PIGB: variants seen among roughly 807,000 people sequenced by gnomAD.
PIGB encodes the protein GPI alpha-1,2-mannosyltransferase 3.
PIGB carries 58 observed loss-of-function variants against 68.4 expected under a neutral mutation model. The ratio of observed to expected loss-of-function variants is 0.85; its 90% CI spans 0.69 to 1.06. The LOEUF (loss-of-function observed/expected upper bound fraction) is 1.06. Among genes scored for constraint, PIGB ranks in the 50% least tolerant of loss-of-function variants. The probability of loss-of-function intolerance (pLI) is 0.00; values close to 1 mark genes in which losing one functional copy is unlikely to be tolerated. For missense variants in PIGB, 634 were observed against 655.8 expected, an observed-to-expected ratio of 0.97 and a Z score of 0.36; for synonymous variants, 219 against 220.5, an observed-to-expected ratio of 0.99 and a Z score of 0.06.
chr15:55,334,806 G>T (rs1042188520), intron 6 of PIGB, among the ~76,000 whole-genome samples: 1 of 152,218 alleles, frequency 6.6e-6, no homozygotes. Context: ...TGCAGCCTCC[G>T]CCTCCCAGGT....
chr15:55,327,265 GTA>G (rs1027939371), intron 3 of PIGB, among the ~76,000 whole-genome samples: 1 of 147,430 alleles, frequency 6.8e-6, no homozygotes, highest in Non-Finnish European at 1.5e-5. Context: ...TAACATATGT[GTA>G]TATATGTCAT....
At chr15:55,348,510 G>A (rs923385982) in intron 9 of PIGB, 4 of 152,118 alleles carry the variant, frequency 2.6e-5, no homozygotes, top group Non-Finnish European at 5.9e-5. Flanking sequence ...CTTCATGAAT[G>A]GCTTGGCACC....
intron 6 of PIGB, among the ~76,000 whole-genome samples, chr15:55,335,935 TAAC>T (rs922471934): frequency 1.1e-4 from 16 of 152,196 alleles, no homozygotes; most frequent in Admixed American, 2.6e-4. Flanking sequence ...AGCATGATAA[TAAC>T]TTATTCATTT....
At chr15:55,354,428 A>G (rs974992253) in intron 10 of PIGB, among the ~76,000 whole-genome samples, 5 of 152,182 alleles carry the variant, frequency 3.3e-5, no homozygotes, top group African/African-American at 1.2e-4. Context: ...AAATACACCT[A>G]TGGAGAATTA....
In PIGB at chr15:55,332,948, A is replaced by G. The variant is rs1190436793; in HGVS notation, c.654-919A>G. ...GTATGCATATATATTTCACTTGGCT[A>G]AAATTAACTTTCAAAACAAAATTCT... On this transcript the variant is annotated intron_variant, in intron 5 of 11. Coordinates refer to ENST00000164305, the MANE Select transcript of PIGB (RefSeq NM_004855.5). 5.3e-5 allele frequency among the ~76,000 whole-genome samples: 8 copies of G among 152,212 alleles called. 1 individual carries two copies. The highest frequency in any genetic ancestry group is 4.6e-4 in the Admixed American group (7 of 15,270).
intron 2 of PIGB, 133 bp from the exon 3 acceptor site, chr15:55,321,140 C>CT: frequency 1.8e-6 from 1 of 565,270 alleles, no homozygotes; most frequent in East Asian, 3.2e-5. Context: ...TGGTGTGCAC[C>CT]TGTAGAGGCA....
intron 5 of PIGB, among the ~76,000 whole-genome samples, chr15:55,332,655 G>A (rs999012431): frequency 7.2e-5 from 11 of 152,172 alleles, no homozygotes; most frequent in Admixed American, 5.9e-4. Context: ...TTGCAGGCCT[G>A]AGCCACCACA....
intron 3 of PIGB, among the ~76,000 whole-genome samples, chr15:55,323,050 A>C (rs1419449287): frequency 6.6e-6 from 1 of 152,138 alleles, no homozygotes; most frequent in Non-Finnish European, 1.5e-5. Context: ...ATGTGAAGGA[A>C]GCCTCCCCTG....
rs1220917226 is a variant in PIGB at position 55,340,751 on chromosome 15, A to G, written c.986A>G (p.His329Arg). The G allele has an allele frequency of 6.2e-7, 1 of 1,611,078 alleles. No individual in the cohort carries two copies. The highest frequency in any genetic ancestry group is 8.5e-7 in the Non-Finnish European group (1 of 1,178,464). The change falls in exon 8 of 12, where the codon CAT becomes CGT. Residue 329 changes from histidine (H) to arginine (R), a missense_variant. By Grantham distance (29) the His-to-Arg change is conservative. Transcript: ENST00000164305. ...ILGTHLPFFI[H>R]GCYLAPKRYR... ...GGTACTCACTTACCCTTCTTTATTCATGGCTGCTATCTAGCACCAAAGAGA... is the reference window on the plus strand; with the variant it reads ...GGTACTCACTTACCCTTCTTTATTCGTGGCTGCTATCTAGCACCAAAGAGA...
At chr15:55,344,129 A>G (rs1383139173) in intron 9 of PIGB, among the ~76,000 whole-genome samples, 37 of 152,226 alleles carry the variant, frequency 2.4e-4, no homozygotes. Flanking sequence ...GCTGTGTAAA[A>G]GGCCACCTCA....
intron 9 of PIGB, among the ~76,000 whole-genome samples, chr15:55,342,121 C>G (rs185556138): frequency 6.6e-6 from 1 of 152,272 alleles, no homozygotes; most frequent in Admixed American, 6.5e-5. Context: ...AAGTCCTTCT[C>G]TCAAAAAACA....
intron 4 of PIGB, 52 bp downstream of exon 4, chr15:55,327,687 G>T (rs1343584380): frequency 1.9e-6 from 2 of 1,028,354 alleles, no homozygotes; most frequent in South Asian, 2.8e-5. Context: ...GTTCCTATGG[G>T]TATAAAGCAC....
chr15:55,355,212 C>G, intron 11 of PIGB, 74 bp from the exon 12 acceptor site: 1 of 1,194,486 alleles, frequency 8.4e-7, no homozygotes, highest in Non-Finnish European at 1.2e-6. Context: ...TTAGAATAGG[C>G]AATTCTAAAA....
chr15:55,337,666 A>C (rs761491571), intron 6 of PIGB, among the ~76,000 whole-genome samples: 4 of 152,204 alleles, frequency 2.6e-5, no homozygotes, highest in Non-Finnish European at 5.9e-5. Flanking sequence ...GGGCCCACCA[A>C]TTCCAATCCT....
chr15:55,349,335 A>G (rs2055873850), intron 9 of PIGB, among the ~76,000 whole-genome samples: 2 of 149,954 alleles, frequency 1.3e-5, no homozygotes, highest in African/African-American at 2.5e-5. Context: ...GGTGCGCACT[A>G]TCACGCCTGG....
At chr15:55,322,701 A>G (rs1311975133) in intron 3 of PIGB, among the ~76,000 whole-genome samples, 1 of 152,198 alleles carries the variant, frequency 6.6e-6, no homozygotes, top group Non-Finnish European at 1.5e-5. Context: ...TTGAGAAATT[A>G]GGGTTAAACC....
Position 55,340,692 on chromosome 15 carries a change from C to G in PIGB, c.927C>G (p.His309Gln). 6 of 1,612,436 alleles carry G rather than the reference C, an allele frequency of 3.7e-6. No homozygotes were observed. Among genetic ancestry groups the G allele is most frequent in the Non-Finnish European group, 4.2e-6 (5 of 1,178,998 alleles). ...CATTTTATGGTTCTCATCCATGGCACTGGTACTTCAGTCAAGGATTTCCAG... is the reference window on the plus strand; with the variant it reads ...CATTTTATGGTTCTCATCCATGGCAGTGGTACTTCAGTCAAGGATTTCCAG... ...WGTFYGSHPWHWYFSQGFPVI... is the reference protein window; with the variant it reads ...WGTFYGSHPWQWYFSQGFPVI... Residue 309 changes from histidine (H) to glutamine (Q), a missense_variant, in exon 8 of 12, where the codon CAC (histidine) becomes CAG (glutamine). By Grantham distance (24) the His-to-Gln change is conservative (BLOSUM62 0). Coordinates refer to ENST00000164305, the MANE Select transcript of PIGB (RefSeq NM_004855.5).
In PIGB at chr15:55,319,307, C is replaced by T. The variant is rs1487083405; in HGVS notation, c.57C>T (p.Leu19=). The change falls in exon 1 of 12, where the codon CTC becomes CTT. Residue 19 remains leucine, a synonymous_variant. Transcript: ENST00000164305. ...GMEPGGGDAS[L]TLHGLQNRSH... is the part of the protein sequence containing the mutation. ...AGCCGGGGGGCGGAGATGCCAGCCTCACTTTGCATGGTCTCCAGAACCGCT... is the reference window on the plus strand; with the variant it reads ...AGCCGGGGGGCGGAGATGCCAGCCTTACTTTGCATGGTCTCCAGAACCGCT... The T allele has an allele frequency of 6.2e-7, 1 of 1,603,128 alleles. No individual in the cohort carries two copies. The highest frequency in any genetic ancestry group is 8.5e-7 in the Non-Finnish European group (1 of 1,175,374).
intron 3 of PIGB, among the ~76,000 whole-genome samples, chr15:55,327,105 T>A (rs1214086453): frequency 6.6e-6 from 1 of 151,050 alleles, no homozygotes; most frequent in Non-Finnish European, 1.5e-5. Context: ...TGTCAATCAA[T>A]CAATATAATA....
Sources: gnomAD v4.1 joint callset for allele counts (sites outside exome capture counted in the v4.1 genomes callset) on GRCh38, gnomAD v4.1.1 for gene constraint, MANE v1.5 for transcripts, NCBI Gene and HGNC (gene_info 2026-07-23, HGNC 2026-07-21) for gene names.